Variants in CST9L observed in about 807,000 individuals in gnomAD.
CST9L encodes the protein cystatin 9 like.
A neutral mutation model predicts 13.2 loss-of-function variants in CST9L; 17 were observed. The observed-to-expected ratio is 1.29, with a 90% CI of 0.88 to 1.93. The LOEUF (loss-of-function observed/expected upper bound fraction) is 1.93. Among genes scored for constraint, CST9L ranks in the 30% most tolerant of loss-of-function variants. The probability of loss-of-function intolerance (pLI) is 0.00; values close to 1 mark genes in which losing one functional copy is unlikely to be tolerated. For synonymous variants in CST9L, 78 were observed against 69.1 expected (o/e 1.13, Z -0.64); for missense variants, 170 against 170.5 (o/e 1.00, Z 0.02).
At chr20:23,565,434 G>A (rs893301839) in intron 2 of CST9L, among the ~76,000 whole-genome samples, 1 of 152,166 alleles carries the variant, frequency 6.6e-6, no homozygotes, top group African/African-American at 2.4e-5. Flanking sequence ...TTAAGCATAG[G>A]AAGAGTTTTC....
In CST9L at chr20:23,568,105, T is replaced by C. The variant is rs7264619; in HGVS notation, c.240+106A>G. On this transcript the variant is annotated intron_variant, in intron 1 of 2. Transcript: ENST00000376979. The stretch of plus-strand genomic sequence containing the variant: ...TATTTTCTTAAGTATGGACTACAAC[T>C]GGTGAACAAGACTCTTCAATAAGAC... 3,161 of 1,152,248 alleles carry C rather than the reference T, an allele frequency of 2.7e-3. 66 individuals are homozygous for C. The African/African-American group carries it at 0.041, about 15-fold the overall frequency. The allele number at this position is 1,152,248 out of a possible 1,614,324, so 71.4% of individuals were successfully genotyped here.
chr20:23,567,088 C>T (rs1158344261), intron 1 of CST9L, among the ~76,000 whole-genome samples: 1 of 152,176 alleles, frequency 6.6e-6, no homozygotes, highest in Admixed American at 6.5e-5. Flanking sequence ...GTCAGAGAAC[C>T]AGCCAGGGCC....
rs112407759 is a variant in CST9L at position 23,565,989 on chromosome 20, G to A, written c.339C>T (p.Ser113=). ...DDIDNCHFQE[S]TELNNTFTCF... ...CCTGTCTTACATTGTTCAGCTCTGT[G>A]CTTTCTTGGAAATGGCAGTTGTCAA... The change falls in exon 2 of 3, where the codon AGC becomes AGT. Residue 113 remains serine, a synonymous_variant. Coordinates refer to ENST00000376979, the MANE Select transcript of CST9L (RefSeq NM_080610.3). 1 of 1,585,418 alleles carries A rather than the reference G, an allele frequency of 6.3e-7. No individual in the cohort carries two copies. The highest frequency in any genetic ancestry group is 1.7e-5 in the Admixed American group (1 of 60,014).
rs369382363 is a variant in CST9L, at chr20:23,568,206, C to T, written c.240+5G>A. On this transcript the variant is annotated splice_donor_5th_base_variant and intron_variant, in intron 1 of 2. Coordinates refer to ENST00000376979, the MANE Select transcript of CST9L (RefSeq NM_080610.3). The stretch of plus-strand genomic sequence containing the variant: ...GCCAGGGCAGGAGGGTACGTGGTCA[C>T]CAACCTGCTCCTTCCAGGAATTCAA... 6.2e-7 allele frequency: 1 copy of T among 1,614,130 alleles called. No individual in the cohort carries two copies. Among genetic ancestry groups the T allele is most frequent in the South Asian group, 1.1e-5 (1 of 91,084 alleles).
At position 23,566,075 on chromosome 20, in the gene CST9L, T is replaced by C; in HGVS notation, c.253A>G (p.Thr85Ala). Reference protein sequence around the residue: ...NSWKEQVESKTVFSMELLLGR... With the variant: ...NSWKEQVESKAVFSMELLLGR... ...AGCAGTAGCTCCATTGAGAATACAG[T>C]CTTGGACTCCACCTATTGCACACAG... The change falls in exon 2 of 3, where the codon ACT (threonine) becomes GCT (alanine). Residue 85 changes from threonine to alanine, a missense_variant. By Grantham distance (58) the Thr-to-Ala change is moderately conservative. Transcript: ENST00000376979. The C allele has an allele frequency of 6.3e-7, 1 of 1,589,256 alleles. No individual in the cohort carries two copies. The highest frequency in any genetic ancestry group is 8.6e-7 in the Non-Finnish European group (1 of 1,157,184).
At chr20:23,565,700 A>C (rs1989082542) in intron 2 of CST9L, among the ~76,000 whole-genome samples, 2 of 152,154 alleles carry the variant, frequency 1.3e-5, no homozygotes, top group South Asian at 2.1e-4. Flanking sequence ...CCCAGGGGGA[A>C]AGAGCAGTCT....
At chr20:23,567,290 A>G (rs2122342064) in intron 1 of CST9L, among the ~76,000 whole-genome samples, 1 of 152,144 alleles carries the variant, frequency 6.6e-6, no homozygotes, top group Non-Finnish European at 1.5e-5. Flanking sequence ...TGGGCAGATC[A>G]TGAGGTCAGG....
At chr20:23,565,906 G>A (rs959592491) in intron 2 of CST9L, 68 bp downstream of exon 2, 6 of 874,654 alleles carry the variant, frequency 6.9e-6, no homozygotes, top group African/African-American at 1.6e-5. Context: ...AGTTGCACCT[G>A]TGCCCACACC....
rs969364561 is a variant in CST9L at position 23,564,976 on chromosome 20, T to C, written c.416A>G (p.Asn139Ser). 2 of 1,613,822 alleles carry C rather than the reference T, an allele frequency of 1.2e-6. No homozygotes were observed. Among genetic ancestry groups the C allele is most frequent in the African/African-American group, 2.7e-5 (2 of 74,908 alleles). The change falls in exon 3 of 3, where the codon AAC becomes AGC. Residue 139 changes from asparagine (N) to serine (S), a missense_variant. Transcript: ENST00000376979. ...RPWMTQFSLL[N>S]KTCLEGFH ...GTGGAATCCCTCCAAGCAGGTCTTG[T>C]TCAGGAGGCTGAACTGAGTCATCCA...
intron 1 of CST9L, among the ~76,000 whole-genome samples, chr20:23,567,924 T>C (rs1989121733): frequency 6.6e-6 from 1 of 152,216 alleles, no homozygotes; most frequent in African/African-American, 2.4e-5. Flanking sequence ...TTCATTTTCT[T>C]GGTAGTCCTC....
chr20:23,568,291 C>A lies in CST9L; in HGVS notation c.160G>T (p.Ala54Ser). 3.7e-6 allele frequency: 6 copies of A among 1,614,120 alleles called. No individual in the cohort carries two copies. The highest frequency in any genetic ancestry group is 2.2e-5 in the East Asian group (1 of 44,878). Residue 54 changes from alanine (A) to serine (S), a missense_variant, in exon 1 of 3, where the codon GCT becomes TCT. Ala to Ser is a moderately conservative substitution (Grantham distance 99, BLOSUM62 1). Transcript: ENST00000376979. ...CTCTGTTGGTTGAATGTGTGGACAGCAAACTCCACTGTGGCAGGGAGGTAA... is the reference window on the plus strand; with the variant it reads ...CTCTGTTGGTTGAATGTGTGGACAGAAAACTCCACTGTGGCAGGGAGGTAA... ...ARYLPATVEF[A>S]VHTFNQQSKD...
intron 2 of CST9L, among the ~76,000 whole-genome samples, chr20:23,565,240 C>T (rs1333317374): frequency 6.6e-6 from 1 of 152,164 alleles, no homozygotes; most frequent in Non-Finnish European, 1.5e-5. Flanking sequence ...CAACTCTTTT[C>T]TGACCCAGGG....
chr20:23,565,749 A>G (rs1160166219), intron 2 of CST9L, among the ~76,000 whole-genome samples: 1 of 152,174 alleles, frequency 6.6e-6, no homozygotes, highest in Non-Finnish European at 1.5e-5. Flanking sequence ...CTGCAGTGGC[A>G]TGACAGGGCA....
chr20:23,568,221 C>T lies in CST9L; in HGVS notation c.230G>A (p.Trp77Ter), dbSNP rs1369684458. Residue 77 changes from tryptophan to a stop codon, truncating the protein, a stop_gained, in exon 1 of 3, where the codon TGG becomes TAG. Transcript: ENST00000376979. LOFTEE classifies it high-confidence loss of function. ...TACGTGGTCACCAACCTGCTCCTTC[C>T]AGGAATTCAAGATGTGCCCCAGTCT... is the stretch of plus-strand genomic sequence containing the variant. ...AYRLGHILNS[W>*]KEQVESKTVF... The T allele has an allele frequency of 6.2e-7, 1 of 1,614,048 alleles. No homozygotes were observed. Among genetic ancestry groups the T allele is most frequent in the East Asian group, 2.2e-5 (1 of 44,884 alleles).
At position 23,568,220 on chromosome 20, in the gene CST9L, C is replaced by T. The variant is rs1490105090; in HGVS notation, c.231G>A (p.Trp77Ter). 2.5e-6 allele frequency: 4 copies of T among 1,614,176 alleles called. No homozygotes were observed. The highest frequency in any genetic ancestry group is 3.4e-6 in the Non-Finnish European group (4 of 1,180,020). The change falls in exon 1 of 3, where the codon TGG becomes TGA. Residue 77 changes from tryptophan to a stop codon, truncating the protein, a stop_gained. Transcript: ENST00000376979. LOFTEE classifies it high-confidence loss of function. ...AYRLGHILNSWKEQVESKTVF... is the reference protein window; with the variant it reads ...AYRLGHILNS ...GTACGTGGTCACCAACCTGCTCCTT[C>T]CAGGAATTCAAGATGTGCCCCAGTC...
chr20:23,565,721 T>C (rs990805524), intron 2 of CST9L, among the ~76,000 whole-genome samples: 7 of 152,184 alleles, frequency 4.6e-5, no homozygotes, highest in Admixed American at 2.6e-4. Context: ...GAAGGCCATG[T>C]GCCCTGGGTG....
intron 1 of CST9L, 67 bp from the exon 2 acceptor site, chr20:23,566,154 G>T: frequency 2.2e-6 from 2 of 902,800 alleles, no homozygotes; most frequent in Non-Finnish European, 3.8e-6. Context: ...TGCTGGTGAA[G>T]ATGTCATTTG....
chr20:23,566,211 G>A, intron 1 of CST9L, 124 bp from the exon 2 acceptor site: 1 of 709,490 alleles, frequency 1.4e-6, no homozygotes, highest in Non-Finnish European at 2.6e-6. Context: ...GCTTGCCCAT[G>A]GGCCTGGCAT....
chr20:23,566,619 C>T (rs185559401), intron 1 of CST9L, among the ~76,000 whole-genome samples: 108 of 152,318 alleles, frequency 7.1e-4, no homozygotes, highest in African/African-American at 2.4e-3. Flanking sequence ...GGTGTGGTGG[C>T]TCACACCTGT....
Sources: allele counts gnomAD v4.1 joint callset (sites outside exome capture counted in the v4.1 genomes callset), GRCh38; gene constraint gnomAD v4.1.1; transcripts MANE v1.5; gene names NCBI Gene and HGNC (gene_info 2026-07-23, HGNC 2026-07-21).